CACNA1E: variants seen among roughly 807,000 people sequenced by gnomAD.
The protein encoded by CACNA1E is calcium voltage-gated channel subunit alpha1 E.
In CACNA1E, 40 loss-of-function variants were observed where a neutral mutation model predicts 259.2. The ratio of observed to expected loss-of-function variants is 0.15; its 90% CI spans 0.12 to 0.20. CACNA1E has a LOEUF of 0.20. Ranked by LOEUF, CACNA1E falls within the 10% of genes least tolerant of loss-of-function variation. The probability of loss-of-function intolerance (pLI) is 1.00; values close to 1 mark genes in which losing one functional copy is unlikely to be tolerated. For missense variants in CACNA1E, 1,874 were observed against 3,040.1 expected (o/e 0.62, Z 9.02); for synonymous variants, 1,104 against 1,138.5 (o/e 0.97, Z 0.61).
intron 26 of CACNA1E, among the ~76,000 whole-genome samples, chr1:181,750,925 C>A (rs1446957788): frequency 6.6e-6 from 1 of 151,492 alleles, no homozygotes; most frequent in Non-Finnish European, 1.5e-5. Flanking sequence ...GATTAAATAT[C>A]TTTTGGCCTC....
intron 32 of CACNA1E, 53 bp from the exon 33 acceptor site, chr1:181,762,521 C>CTT: frequency 2.9e-5 from 27 of 944,132 alleles, no homozygotes; most frequent in South Asian, 4.6e-5. Context: ...GTCTTTTCTC[C>CTT]TTTTTTTTTT....
chr1:181,630,382 A>T (rs1356839729), intron 6 of CACNA1E, among the ~76,000 whole-genome samples: 1 of 147,780 alleles, frequency 6.8e-6, no homozygotes. Flanking sequence ...TGTAATTAAC[A>T]TGCCCCCCCA....
intron 44 of CACNA1E, among the ~76,000 whole-genome samples, chr1:181,791,365 C>T (rs1186428583): frequency 6.6e-6 from 1 of 152,124 alleles, no homozygotes; most frequent in African/African-American, 2.4e-5. Flanking sequence ...TCCAGCTACT[C>T]AGGAGGCTGA....
intron 6 of CACNA1E, among the ~76,000 whole-genome samples, chr1:181,584,415 G>A (rs1196885128): frequency 6.6e-6 from 1 of 152,154 alleles, no homozygotes; most frequent in Non-Finnish European, 1.5e-5. Flanking sequence ...GACTTCATTG[G>A]CTTTTGGCAA....
chr1:181,381,257 C>T (rs1299600826), intron 1 of CACNA1E, among the ~76,000 whole-genome samples: 3 of 151,826 alleles, frequency 2.0e-5, no homozygotes. Context: ...CTGAAATATC[C>T]ATTAACAGAT....
chr1:181,700,988 C>T (rs940969505), intron 7 of CACNA1E, among the ~76,000 whole-genome samples: 1 of 152,286 alleles, frequency 6.6e-6, no homozygotes, highest in African/African-American at 2.4e-5. Context: ...TCCTTGGTTC[C>T]ACTTGACCGT....
intron 1 of CACNA1E, among the ~76,000 whole-genome samples, chr1:181,493,528 T>C (rs1664493580): frequency 6.6e-6 from 1 of 152,156 alleles, no homozygotes. Context: ...ATAGCTTCCA[T>C]TTGTTCTTTC....
In CACNA1E at chr1:181,483,800, C is replaced by G. The variant is rs758128368; in HGVS notation, c.56C>G (p.Ser19Trp). The change falls in exon 1 of 48, where the codon TCG (serine) becomes TGG (tryptophan). Residue 19 changes from serine (S) to tryptophan (W), a missense_variant. Around this residue, in one of 14 missense-constraint regions of CACNA1E, gnomAD observed 110 missense variants for 122.8 expected, o/e 0.90. Transcript: ENST00000367573. Reference sequence around the variant, plus strand: ...AGGCCAGGGTCCGGCGATGGAGACTCGGACCAGAGCAGGAACCGGCAAGGA... The same window carrying G: ...AGGCCAGGGTCCGGCGATGGAGACTGGGACCAGAGCAGGAACCGGCAAGGA... ...VARPGSGDGD[S>W]DQSRNRQGTP... The G allele has an allele frequency of 6.2e-7, 1 of 1,613,066 alleles. No homozygotes were observed. Among genetic ancestry groups the G allele is most frequent in the African/African-American group, 1.3e-5 (1 of 74,940 alleles).
intron 3 of CACNA1E, among the ~76,000 whole-genome samples, chr1:181,575,542 C>G (rs1012419030): frequency 7.9e-5 from 12 of 152,186 alleles, no homozygotes; most frequent in African/African-American, 2.9e-4. Context: ...TTCCCCTCTA[C>G]ATTTGAGCCT....
At chr1:181,480,960 A>C (rs956792174), upstream of CACNA1E, among the ~76,000 whole-genome samples, 1 of 152,236 alleles carries the variant, frequency 6.6e-6, no homozygotes, top group African/African-American at 2.4e-5. Flanking sequence ...ACTGTCTGAA[A>C]GGAGCGACAT....
chr1:181,389,705 G>A (rs1437206524), intron 1 of CACNA1E, among the ~76,000 whole-genome samples: 1 of 152,202 alleles, frequency 6.6e-6, no homozygotes, highest in Non-Finnish European at 1.5e-5. Context: ...AGCTCCAGCT[G>A]GACAAGCCTC....
At chr1:181,715,538 C>G in intron 9 of CACNA1E, 147 bp downstream of exon 9, 2 of 620,636 alleles carry the variant, frequency 3.2e-6, no homozygotes, top group Non-Finnish European at 5.8e-6. Flanking sequence ...ATCCCTCATG[C>G]TTTAAAATGA....
intron 2 of CACNA1E, among the ~76,000 whole-genome samples, chr1:181,437,399 C>T (rs1175588895): frequency 6.6e-6 from 1 of 152,092 alleles, no homozygotes; most frequent in Admixed American, 6.6e-5. Flanking sequence ...ACCTCATACG[C>T]CTCTTTATCC....
chr1:181,480,748 TGA>T (rs147198595), upstream of CACNA1E, among the ~76,000 whole-genome samples: 2,018 of 152,248 alleles, frequency 0.013, 51 homozygotes, highest in African/African-American at 0.045. Context: ...GGTGACAGCA[TGA>T]GAGTGAAGTT....
At chr1:181,505,980 A>T (rs1006745688) in intron 1 of CACNA1E, among the ~76,000 whole-genome samples, 3 of 152,224 alleles carry the variant, frequency 2.0e-5, no homozygotes, top group Admixed American at 2.0e-4. Flanking sequence ...CTGCCCCATC[A>T]TCTCCATTTG....
intron 1 of CACNA1E, among the ~76,000 whole-genome samples, chr1:181,399,186 T>A (rs1300528358): frequency 6.6e-6 from 1 of 151,560 alleles, no homozygotes; most frequent in African/African-American, 2.4e-5. Flanking sequence ...AAGTTACAAT[T>A]AGCTTTTCAC....
intron 6 of CACNA1E, among the ~76,000 whole-genome samples, chr1:181,630,086 G>A (rs764929721): frequency 2.0e-5 from 3 of 150,606 alleles, no homozygotes; most frequent in Admixed American, 6.7e-5. Context: ...AAAACACATC[G>A]GGCCATAAGC....
chr1:181,338,503 A>ATT lies in CACNA1E; in HGVS notation c.-15+20393_-15+20394dup, dbSNP rs71121088. On this transcript the variant is annotated intron_variant, in intron 1 of 11. Coordinates refer to the CACNA1E transcript ENST00000524607. The stretch of plus-strand genomic sequence containing the variant: ...AAATGTCTATTCAGGTCATTTACCC[A>ATT]TTTTTTTTTTTTTTGTGGCTAAGTT... Among the ~76,000 whole-genome samples the ATT allele has an allele frequency of 2.1e-4, 30 of 141,506 alleles. 2 individuals carry two copies. Among genetic ancestry groups the ATT allele is most frequent in the African/African-American group, 4.9e-4 (19 of 38,676 alleles). The allele number at this position is 141,506 out of a possible 152,430, so 92.8% of individuals were successfully genotyped here. A position where few individuals can be genotyped will look rare whatever the true frequency, so the allele number is the denominator to read the frequency against.
chr1:181,697,357 A>G (rs1430782471), intron 7 of CACNA1E, among the ~76,000 whole-genome samples: 1 of 152,244 alleles, frequency 6.6e-6, no homozygotes, highest in Non-Finnish European at 1.5e-5. Flanking sequence ...AGATTCTTAA[A>G]CATCCTTTGG....
Sources: gnomAD v4.1 joint callset for allele counts (sites outside exome capture counted in the v4.1 genomes callset) on GRCh38, gnomAD v4.1.1 for gene constraint, gnomAD v4.1.1 regional missense constraint, MANE v1.5 for transcripts, NCBI Gene and HGNC (gene_info 2026-07-23, HGNC 2026-07-21) for gene names.